The following HIF1AN variants were observed in gnomAD, a reference collection of about 807,000 sequenced individuals.
The protein encoded by HIF1AN is hypoxia inducible factor 1 subunit alpha inhibitor.
Under a neutral mutation model 47.7 loss-of-function variants are expected in HIF1AN, and 21 were observed. The observed-to-expected ratio is 0.44, with a 90% CI of 0.31 to 0.63. The LOEUF is 0.63. HIF1AN is among the 30% of genes least tolerant of loss of function. The probability of loss-of-function intolerance (pLI) is 0.07; values close to 1 mark genes in which losing one functional copy is unlikely to be tolerated. For missense variants in HIF1AN, 320 were observed against 432.7 expected (o/e 0.74, Z 2.31); for synonymous variants, 152 against 155.9 (o/e 0.98, Z 0.18).
chr10:100,545,929 C>G lies in HIF1AN; in HGVS notation c.724-14C>G. The G allele has an allele frequency of 6.4e-7, 1 of 1,574,660 alleles. No individual in the cohort carries two copies. The highest frequency in any genetic ancestry group is 8.7e-7 in the Non-Finnish European group (1 of 1,147,790). On this transcript the variant is annotated splice_polypyrimidine_tract_variant and intron_variant, in intron 4 of 7. Coordinates refer to ENST00000299163, the MANE Select transcript of HIF1AN (RefSeq NM_017902.3). ...GGTGATTGATATTTTTTTTCTTTCTCTTGAACCTCTTAGGTGGACTTTGAC... is the reference window on the plus strand; with the variant it reads ...GGTGATTGATATTTTTTTTCTTTCTGTTGAACCTCTTAGGTGGACTTTGAC...
chr10:100,546,368 AG>A (rs969709163), intron 5 of HIF1AN, 149 bp from the exon 6 acceptor site: 2 of 672,852 alleles, frequency 3.0e-6, no homozygotes, highest in Non-Finnish European at 5.3e-6. Flanking sequence ...TTTTTTTCAC[AG>A]GATGAGTGTA....
intron 2 of HIF1AN, among the ~76,000 whole-genome samples, chr10:100,539,785 C>T (rs1843003817): frequency 1.3e-5 from 2 of 152,252 alleles, no homozygotes; most frequent in Middle Eastern, 3.4e-3. Flanking sequence ...AAAGAAAACT[C>T]GCACACTGAG....
chr10:100,552,283 GAACTTCCCAA>G lies in HIF1AN; in HGVS notation c.*4149_*4158del, dbSNP rs1217295770. ...TTGGTGGTTCTCTCTTTCAGAATGG[GAACTTCCCAA>G]AAATGGGGCTGCGTCTCGCCTCTCA... On this transcript the variant is annotated 3_prime_UTR_variant, in exon 8 of 8. Coordinates refer to ENST00000299163, the MANE Select transcript of HIF1AN (RefSeq NM_017902.3). 6 of 152,222 alleles carry G rather than the reference GAACTTCCCAA, an allele frequency of 3.9e-5. No homozygotes were observed. Among genetic ancestry groups the G allele is most frequent in the Admixed American group, 3.3e-4 (5 of 15,274 alleles). 9.4% of individuals were successfully genotyped at this position (152,222 alleles called of 1,614,324 possible).
intron 5 of HIF1AN, 47 bp from the exon 6 acceptor site, chr10:100,546,471 C>A: frequency 1.3e-6 from 2 of 1,497,764 alleles, no homozygotes; most frequent in Non-Finnish European, 1.9e-6. Flanking sequence ...CCTCCGCCCC[C>A]GCCAAAAGTA....
chr10:100,546,710 G>A (rs1381279373), intron 6 of HIF1AN, 129 bp downstream of exon 6: 2 of 736,878 alleles, frequency 2.7e-6, no homozygotes, highest in Non-Finnish European at 4.7e-6. Context: ...CTGGGGAGAT[G>A]AAAGGGACAG....
At position 100,553,096 on chromosome 10, in the gene HIF1AN, G is replaced by A. The variant is rs996798047; in HGVS notation, c.*4959G>A. The A allele has an allele frequency of 1.3e-5, 2 of 152,268 alleles. No homozygotes were observed. Among genetic ancestry groups the A allele is most frequent in the African/African-American group, 4.8e-5 (2 of 41,390 alleles). The allele number at this position is 152,268 out of a possible 1,614,324, so 9.4% of individuals were successfully genotyped here. On this transcript the variant is annotated 3_prime_UTR_variant, in exon 8 of 8. Coordinates refer to ENST00000299163, the MANE Select transcript of HIF1AN (RefSeq NM_017902.3). ...GTGGGCACCTACAAGGGCCAGTTGA[G>A]GGGAGAGGTGCAGGGATTGCTGAGG...
At chr10:100,539,732 C>T (rs1175593529) in intron 2 of HIF1AN, among the ~76,000 whole-genome samples, 2 of 152,158 alleles carry the variant, frequency 1.3e-5, no homozygotes, top group Non-Finnish European at 2.9e-5. Flanking sequence ...ATTTCCTTGG[C>T]CAGAGCAGCG....
Position 100,551,420 on chromosome 10 carries a change from A to G in HIF1AN, c.*3283A>G, listed in dbSNP as rs1843158046. The G allele has an allele frequency of 6.6e-6, 1 of 152,186 alleles. No individual in the cohort carries two copies. Among genetic ancestry groups the G allele is most frequent in the Non-Finnish European group, 1.5e-5 (1 of 68,028 alleles). 9.4% of individuals were successfully genotyped at this position (152,186 alleles called of 1,614,324 possible). The stretch of plus-strand genomic sequence containing the variant: ...CAGTGGGCCAGCCCAGTATGGGGAG[A>G]CACTCCCTCCCTCTGCCCCCAGAGA... On this transcript the variant is annotated 3_prime_UTR_variant, in exon 8 of 8. Transcript: ENST00000299163.
intron 2 of HIF1AN, 92 bp downstream of exon 2, chr10:100,536,753 T>TA (rs1852228375): frequency 8.6e-6 from 12 of 1,401,584 alleles, no homozygotes; most frequent in Non-Finnish European, 1.2e-5. Flanking sequence ...TTGGGTCAAT[T>TA]AGAGATTGGC....
At chr10:100,540,515 C>T (rs1843015511) in intron 2 of HIF1AN, 119 bp from the exon 3 acceptor site, 2 of 1,131,528 alleles carry the variant, frequency 1.8e-6, no homozygotes, top group African/African-American at 1.6e-5. Flanking sequence ...TGCCTGACTA[C>T]ATCTGTTCTC....
intron 2 of HIF1AN, among the ~76,000 whole-genome samples, chr10:100,539,825 A>G (rs1036873935): frequency 1.4e-4 from 22 of 152,124 alleles, no homozygotes; most frequent in African/African-American, 2.2e-4. Context: ...CAGTAATACA[A>G]TTTACCACAG....
Position 100,555,413 on chromosome 10 carries a change from T to C in HIF1AN, c.*7276T>C, listed in dbSNP as rs1233696356. ...TGGAAGAAATGTTGAATCAAGCTAC[T>C]CAGACTTCAGCCTGAGATGTATTAT... On this transcript the variant is annotated 3_prime_UTR_variant, in exon 8 of 8. Transcript: ENST00000299163. The C allele has an allele frequency of 6.6e-6, 1 of 152,282 alleles. No individual in the cohort carries two copies. Among genetic ancestry groups the C allele is most frequent in the Non-Finnish European group, 1.5e-5 (1 of 68,076 alleles). 9.4% of individuals were successfully genotyped at this position (152,282 alleles called of 1,614,324 possible).
chr10:100,546,475 A>G, intron 5 of HIF1AN, 43 bp from the exon 6 acceptor site: 2 of 369,710 alleles, frequency 5.4e-6, no homozygotes, highest in South Asian at 3.4e-5. Context: ...CGCCCCCGCC[A>G]AAAGTATCAG....
Position 100,553,768 on chromosome 10 carries a change from C to T in HIF1AN, c.*5631C>T, listed in dbSNP as rs1487296839. ...GGTTGATTTACTTAACCTCTCTGAG[C>T]CTCAGTTTCCTCAACTATAATAACA... On this transcript the variant is annotated 3_prime_UTR_variant, in exon 8 of 8. Coordinates refer to ENST00000299163, the MANE Select transcript of HIF1AN (RefSeq NM_017902.3). 2 of 152,196 alleles carry T rather than the reference C, an allele frequency of 1.3e-5. No homozygotes were observed. The highest frequency in any genetic ancestry group is 6.5e-5 in the Admixed American group (1 of 15,274). 9.4% of individuals were successfully genotyped at this position (152,196 alleles called of 1,614,324 possible). A position where few individuals can be genotyped will look rare whatever the true frequency, so the allele number is the denominator to read the frequency against.
At chr10:100,541,858 T>C (rs1843036649) in intron 3 of HIF1AN, among the ~76,000 whole-genome samples, 1 of 152,194 alleles carries the variant, frequency 6.6e-6, no homozygotes, top group Admixed American at 6.5e-5. Context: ...CCATAGAGTA[T>C]AGTTACACAA....
Position 100,545,087 on chromosome 10 carries a change from A to G in HIF1AN, c.714A>G (p.Arg238=). The part of the protein sequence containing the change: ...YPYPVHHPCD[R]QSQVDFDNPD... Reference sequence around the variant, plus strand: ...ACCCTGTTCATCACCCATGTGACAGACAGAGCCAGGTGAGCTTGTGTGGTC... The same window carrying G: ...ACCCTGTTCATCACCCATGTGACAGGCAGAGCCAGGTGAGCTTGTGTGGTC... Residue 238 remains arginine, a synonymous_variant, in exon 4 of 8, where the codon AGA becomes AGG. Coordinates refer to ENST00000299163, the MANE Select transcript of HIF1AN (RefSeq NM_017902.3). 1 of 1,614,138 alleles carries G rather than the reference A, an allele frequency of 6.2e-7. No homozygotes were observed. Among genetic ancestry groups the G allele is most frequent in the Non-Finnish European group, 8.5e-7 (1 of 1,179,978 alleles).
At chr10:100,536,859 A>C (rs150035957) in intron 2 of HIF1AN, among the ~76,000 whole-genome samples, 198 bp downstream of exon 2, 248 of 152,224 alleles carry the variant, frequency 1.6e-3, no homozygotes, top group African/African-American at 5.5e-3. Context: ...ACAGCCAGCT[A>C]GTTCTGTAGC....
Position 100,546,506 on chromosome 10 carries a change from G to A in HIF1AN, c.831-12G>A. The A allele has an allele frequency of 6.5e-7, 1 of 1,546,424 alleles. No homozygotes were observed. The highest frequency in any genetic ancestry group is 8.8e-7 in the Non-Finnish European group (1 of 1,141,296). On this transcript the variant is annotated splice_polypyrimidine_tract_variant and intron_variant, in intron 5 of 7. Transcript: ENST00000299163. Reference sequence around the variant, plus strand: ...ATCAGTAGTAAACAGGAGCCTGTTTGTTTTCTTGCAGGTGGCATCACATAG... The same window carrying A: ...ATCAGTAGTAAACAGGAGCCTGTTTATTTTCTTGCAGGTGGCATCACATAG...
Position 100,553,108 on chromosome 10 carries a change from A to C in HIF1AN, c.*4971A>C, listed in dbSNP as rs1371663392. ...AAGGGCCAGTTGAGGGGAGAGGTGCAGGGATTGCTGAGGAGACTTTGTGAG... is the reference window on the plus strand; with the variant it reads ...AAGGGCCAGTTGAGGGGAGAGGTGCCGGGATTGCTGAGGAGACTTTGTGAG... On this transcript the variant is annotated 3_prime_UTR_variant, in exon 8 of 8. Transcript: ENST00000299163. The C allele has an allele frequency of 1.3e-5, 2 of 152,366 alleles. No individual in the cohort carries two copies. Among genetic ancestry groups the C allele is most frequent in the African/African-American group, 4.8e-5 (2 of 41,378 alleles). The allele number at this position is 152,366 out of a possible 1,614,324, so 9.4% of individuals were successfully genotyped here. A position where few individuals can be genotyped will look rare whatever the true frequency, so the allele number is the denominator to read the frequency against.
Sources: allele counts gnomAD v4.1 joint callset (sites outside exome capture counted in the v4.1 genomes callset), GRCh38; gene constraint gnomAD v4.1.1; transcripts MANE v1.5; gene names NCBI Gene and HGNC (gene_info 2026-07-23, HGNC 2026-07-21).